The following SPOCK3 variants were observed in gnomAD, a reference collection of about 807,000 sequenced individuals.
The protein encoded by SPOCK3 is SPARC (osteonectin), cwcv and kazal like domains proteoglycan 3.
A neutral mutation model predicts 56.6 loss-of-function variants in SPOCK3; 30 were observed. The observed-to-expected ratio is 0.53, with a 90% CI of 0.40 to 0.72. The LOEUF is 0.72. SPOCK3 is among the 30% of genes least tolerant of loss of function. The pLI is 0.00. For missense variants in SPOCK3, 527 were observed against 530.0 expected, an observed-to-expected ratio of 0.99 and a Z score of 0.06; for synonymous variants, 196 against 183.3, an observed-to-expected ratio of 1.07 and a Z score of -0.56.
intron 2 of SPOCK3, among the ~76,000 whole-genome samples, chr4:167,085,793 A>T (rs908338289): frequency 2.0e-5 from 3 of 152,142 alleles, no homozygotes; most frequent in Non-Finnish European, 4.4e-5. Context: ...TGGTAAGTCC[A>T]TACCACCTCA....
intron 3 of SPOCK3, among the ~76,000 whole-genome samples, chr4:167,031,883 GT>G (rs1444985836): frequency 1.3e-5 from 2 of 151,898 alleles, no homozygotes; most frequent in Non-Finnish European, 2.9e-5. Flanking sequence ...GTTCTTTAGG[GT>G]TTTGTATCTG....
At chr4:166,986,015 A>G (rs1323321406) in intron 4 of SPOCK3, among the ~76,000 whole-genome samples, 5 of 152,160 alleles carry the variant, frequency 3.3e-5, no homozygotes, top group African/African-American at 1.2e-4. Flanking sequence ...GAAACTGTAA[A>G]TTAAATAATT....
intron 6 of SPOCK3, among the ~76,000 whole-genome samples, chr4:166,841,334 A>G (rs1006493006): frequency 2.0e-5 from 3 of 152,214 alleles, no homozygotes; most frequent in African/African-American, 7.2e-5. Context: ...ATGTCACAGA[A>G]TAAGAATAAT....
intron 4 of SPOCK3, among the ~76,000 whole-genome samples, chr4:166,975,897 T>G (rs1745893827): frequency 6.6e-6 from 1 of 152,090 alleles, no homozygotes; most frequent in South Asian, 2.1e-4. Flanking sequence ...TGTACCACAT[T>G]TTCTTGATCT....
chr4:166,957,944 T>TG (rs1484764733), intron 4 of SPOCK3, among the ~76,000 whole-genome samples: 5 of 152,162 alleles, frequency 3.3e-5, no homozygotes, highest in South Asian at 4.2e-4. Flanking sequence ...GGTGAAGAAT[T>TG]GGGGGGTTAC....
chr4:166,847,647 T>TTATATATATATAGATATA (rs1748208715), intron 6 of SPOCK3, among the ~76,000 whole-genome samples: 1 of 55,368 alleles, frequency 1.8e-5, no homozygotes, highest in Non-Finnish European at 4.1e-5. Flanking sequence ...AAATCCTAGT[T>TTATATATATATAGATATA]TATATATATA....
At chr4:166,961,850 C>T (rs1278935983) in intron 4 of SPOCK3, among the ~76,000 whole-genome samples, 2 of 152,130 alleles carry the variant, frequency 1.3e-5, no homozygotes, top group Admixed American at 6.5e-5. Flanking sequence ...ACCAGCTGCT[C>T]TAAACCTGAG....
At chr4:167,008,283 C>T (rs370245310) in intron 3 of SPOCK3, among the ~76,000 whole-genome samples, 1 of 151,842 alleles carries the variant, frequency 6.6e-6, no homozygotes, top group South Asian at 2.1e-4. Flanking sequence ...TATACCATGT[C>T]GATCCTACTG....
intron 10 of SPOCK3, 70 bp from the exon 11 acceptor site, chr4:166,735,160 C>T: frequency 2.2e-6 from 2 of 910,366 alleles, no homozygotes; most frequent in Non-Finnish European, 3.3e-6. Flanking sequence ...AGATAAAATC[C>T]TTATAAAAAT....
At chr4:166,826,797 C>T (rs1325551405) in intron 6 of SPOCK3, among the ~76,000 whole-genome samples, 1 of 152,012 alleles carries the variant, frequency 6.6e-6, no homozygotes, top group Admixed American at 6.6e-5. Context: ...ATGTCACTCA[C>T]CCCTTTGTAG....
chr4:166,813,230 C>T (rs1378746992), intron 6 of SPOCK3, among the ~76,000 whole-genome samples: 3 of 152,008 alleles, frequency 2.0e-5, no homozygotes, highest in African/African-American at 7.2e-5. Context: ...AGGACAAAGG[C>T]TAAATAACTG....
rs765290033 is a variant in SPOCK3 at position 166,754,493 on chromosome 4, G to A, written c.931+15C>T. On this transcript the variant is annotated intron_variant, in intron 8 of 10. Coordinates refer to ENST00000357545, the MANE Select transcript of SPOCK3 (RefSeq NM_001040159.2). The stretch of plus-strand genomic sequence containing the variant: ...CAGGTCAACTATTTGCGTCTGTAAG[G>A]GTCTCATCTTTTACCTTGCTGTCTC... 4 of 1,607,712 alleles carry A rather than the reference G, an allele frequency of 2.5e-6. No homozygotes were observed. The highest frequency in any genetic ancestry group is 3.4e-6 in the Non-Finnish European group (4 of 1,176,168).
chr4:166,784,684 C>T lies in SPOCK3; in HGVS notation c.709+7486G>A, dbSNP rs542467837. 2.0e-5 allele frequency among the ~76,000 whole-genome samples: 3 copies of T among 152,212 alleles called. No individual in the cohort carries two copies. In the South Asian group the frequency reaches 6.2e-4, roughly 32 times the overall value. On this transcript the variant is annotated intron_variant, in intron 7 of 10. Coordinates refer to ENST00000357545, the MANE Select transcript of SPOCK3 (RefSeq NM_001040159.2). Reference sequence around the variant, plus strand: ...TAAACCATCTGATTCCACATTCAGTCTTTCTCTTAATGTGAAGACAGCATG... The same window carrying T: ...TAAACCATCTGATTCCACATTCAGTTTTTCTCTTAATGTGAAGACAGCATG...
intron 3 of SPOCK3, among the ~76,000 whole-genome samples, chr4:167,007,165 C>T (rs1749548560): frequency 6.6e-6 from 1 of 152,162 alleles, no homozygotes; most frequent in South Asian, 2.1e-4. Context: ...AATACCCTGG[C>T]TTCTGGCTCT....
At chr4:166,814,201 G>C (rs912547937) in intron 6 of SPOCK3, among the ~76,000 whole-genome samples, 4 of 152,016 alleles carry the variant, frequency 2.6e-5, no homozygotes, top group African/African-American at 9.7e-5. Context: ...GTGAGAAATC[G>C]TTAGGCATCC....
chr4:167,173,861 C>T (rs1364739030), intron 2 of SPOCK3, among the ~76,000 whole-genome samples: 3 of 151,972 alleles, frequency 2.0e-5, no homozygotes, highest in Non-Finnish European at 4.4e-5. Flanking sequence ...ACAGAGAATC[C>T]CTGGATTCAT....
intron 2 of SPOCK3, among the ~76,000 whole-genome samples, chr4:167,157,292 A>C (rs1256442400): frequency 1.3e-5 from 2 of 152,126 alleles, no homozygotes; most frequent in Non-Finnish European, 2.9e-5. Context: ...GTCTAAGTAT[A>C]GTATTATCTC....
intron 4 of SPOCK3, chr4:166,918,441 G>C (rs1379596136): frequency 1.3e-5 from 2 of 152,070 alleles, no homozygotes. Context: ...TAGCTTCCTA[G>C]ATCAGAAGAG....
chr4:166,737,688 G>T, intron 9 of SPOCK3, 84 bp from the exon 10 acceptor site: 1 of 1,378,148 alleles, frequency 7.3e-7, no homozygotes. Context: ...CACCCATTAT[G>T]CATTAATGCA....
Sources: allele counts gnomAD v4.1 joint callset (sites outside exome capture counted in the v4.1 genomes callset), GRCh38; gene constraint gnomAD v4.1.1; transcripts MANE v1.5; gene names NCBI Gene and HGNC (gene_info 2026-07-23, HGNC 2026-07-21).